RNF180: variants seen among roughly 807,000 people sequenced by gnomAD.
The protein encoded by RNF180 is ring finger protein 180.
A neutral mutation model predicts 59.2 loss-of-function variants in RNF180; 38 were observed. The ratio of observed to expected loss-of-function variants is 0.64; its 90% CI spans 0.50 to 0.84. RNF180 has a LOEUF of 0.84. Among genes scored for constraint, RNF180 ranks in the 40% least tolerant of loss-of-function variants. RNF180 has a pLI of 0.00. For synonymous variants in RNF180, 262 were observed against 240.3 expected (o/e 1.09, Z -0.84); for missense variants, 705 against 700.9 (o/e 1.01, Z -0.07).
chr5:64,286,694 C>T (rs1742308566), intron 5 of RNF180, among the ~76,000 whole-genome samples: 1 of 152,120 alleles, frequency 6.6e-6, no homozygotes, highest in Non-Finnish European at 1.5e-5. Context: ...TACAGAAGTA[C>T]CAAAAGTGTG....
chr5:64,233,290 A>G (rs1742206450), intron 5 of RNF180, among the ~76,000 whole-genome samples: 2 of 152,238 alleles, frequency 1.3e-5, no homozygotes. Flanking sequence ...AGCATTAGAC[A>G]GTCAAGAAGC....
intron 5 of RNF180, among the ~76,000 whole-genome samples, chr5:64,266,584 T>C (rs914100257): frequency 6.6e-6 from 1 of 152,154 alleles, no homozygotes; most frequent in Non-Finnish European, 1.5e-5. Context: ...TTACCTGTTA[T>C]CAAAATTTCA....
chr5:64,372,322 C>T lies in RNF180; in HGVS notation c.*2508C>T, dbSNP rs993349150. 8 of 151,492 alleles carry T rather than the reference C, an allele frequency of 5.3e-5. No individual in the cohort carries two copies. Among genetic ancestry groups the T allele is most frequent in the Admixed American group, 3.3e-4 (5 of 15,154 alleles). 9.4% of individuals were successfully genotyped at this position (151,492 alleles called of 1,614,324 possible). On this transcript the variant is annotated 3_prime_UTR_variant, in exon 8 of 8. Transcript: ENST00000389100. ...AGAAGACAGGGAAATTTAAATTAGACAAAGTTGAAAAAGAATCAGAATTTA... is the reference window on the plus strand; with the variant it reads ...AGAAGACAGGGAAATTTAAATTAGATAAAGTTGAAAAAGAATCAGAATTTA...
Position 64,230,415 on chromosome 5 carries a change from A to G in RNF180, c.1227+13019A>G, listed in dbSNP as rs78851387. ...AGTCTGTTTTCTTGCCTTTTCTGGC[A>G]TCTAGAGTCTGAACCTTGGCTCATA... On this transcript the variant is annotated intron_variant, in intron 5 of 7. Coordinates refer to ENST00000389100, the MANE Select transcript of RNF180 (RefSeq NM_001113561.2). Among the ~76,000 whole-genome samples, 124 of 152,332 alleles carry G rather than the reference A, an allele frequency of 8.1e-4. No homozygotes were observed. In the East Asian group the frequency reaches 0.022, roughly 27 times the overall value.
intron 1 of RNF180, among the ~76,000 whole-genome samples, chr5:64,172,381 A>AC (rs1749984619): frequency 6.6e-6 from 1 of 150,416 alleles, no homozygotes; most frequent in East Asian, 2.0e-4. Context: ...GTCTCCCCCC[A>AC]CCCCCCACAA....
intron 5 of RNF180, among the ~76,000 whole-genome samples, chr5:64,263,467 G>T (rs1561225997): frequency 2.0e-5 from 3 of 152,140 alleles, no homozygotes. Flanking sequence ...ATGTTTAAAA[G>T]AAAATTAACT....
intron 5 of RNF180, among the ~76,000 whole-genome samples, chr5:64,316,827 T>C (rs750136219): frequency 3.9e-5 from 6 of 152,160 alleles, no homozygotes; most frequent in Non-Finnish European, 7.3e-5. Flanking sequence ...ATATTGTTGT[T>C]TATTAATTTT....
intron 7 of RNF180, among the ~76,000 whole-genome samples, chr5:64,341,204 T>C (rs1745342095): frequency 6.6e-6 from 1 of 152,178 alleles, no homozygotes. Context: ...TGTGAAAGCG[T>C]GGTGGCCACA....
chr5:64,258,288 A>C (rs1245392533), intron 5 of RNF180, among the ~76,000 whole-genome samples: 1 of 152,222 alleles, frequency 6.6e-6, no homozygotes, highest in East Asian at 1.9e-4. Flanking sequence ...ATTTAAAAAA[A>C]GATTAAGAAA....
chr5:64,185,208 C>A (rs2111970346), intron 1 of RNF180, among the ~76,000 whole-genome samples: 1 of 152,298 alleles, frequency 6.6e-6, no homozygotes, highest in South Asian at 2.1e-4. Context: ...ACTGCTATCA[C>A]CTTAATCTAA....
chr5:64,249,142 T>C (rs1743392519), intron 5 of RNF180, among the ~76,000 whole-genome samples: 1 of 152,094 alleles, frequency 6.6e-6, no homozygotes, highest in East Asian at 1.9e-4. Context: ...TTAGGAGAAA[T>C]ACCTAATGTA....
chr5:64,191,652 T>C (rs1751164607), intron 1 of RNF180, among the ~76,000 whole-genome samples: 2 of 152,224 alleles, frequency 1.3e-5, no homozygotes, highest in African/African-American at 2.4e-5. Flanking sequence ...AATTGGCTTA[T>C]GTTTTGCTAT....
In RNF180 at chr5:64,200,888, A is replaced by G; in HGVS notation, c.81A>G (p.Lys27=). ...TTCTTCGTTGTTGGAAATGTAGAAA[A>G]TGTATAGCAAGCTCTGGTTGTTTTA... ...TSILRCWKCR[K]CIASSGCFME... is the part of the protein sequence containing the mutation. Residue 27 remains lysine, a synonymous_variant, in exon 2 of 8, where the codon AAA becomes AAG. Coordinates refer to ENST00000389100, the MANE Select transcript of RNF180 (RefSeq NM_001113561.2). 1 of 1,613,418 alleles carries G rather than the reference A, an allele frequency of 6.2e-7. No homozygotes were observed. Among genetic ancestry groups the G allele is most frequent in the Non-Finnish European group, 8.5e-7 (1 of 1,179,370 alleles).
chr5:64,219,311 T>C (rs547365896), intron 5 of RNF180, among the ~76,000 whole-genome samples: 2 of 152,352 alleles, frequency 1.3e-5, no homozygotes, highest in East Asian at 3.9e-4. Context: ...AACTACACTT[T>C]GTTATACTAT....
At position 64,371,920 on chromosome 5, in the gene RNF180, C is replaced by G. The variant is rs1056658520; in HGVS notation, c.*2106C>G. 4.6e-5 allele frequency: 7 copies of G among 151,298 alleles called. No homozygotes were observed. The highest frequency in any genetic ancestry group is 1.7e-4 in the African/African-American group (7 of 41,272). The allele number at this position is 151,298 out of a possible 1,614,324, so 9.4% of individuals were successfully genotyped here. On this transcript the variant is annotated 3_prime_UTR_variant, in exon 8 of 8. Transcript: ENST00000389100. The stretch of plus-strand genomic sequence containing the variant: ...TGGTATGTAGCACACAGTAGCCATT[C>G]AAAATAAAATACATGGATGAGCTTT...
chr5:64,336,308 A>T (rs1580273349), intron 7 of RNF180, among the ~76,000 whole-genome samples: 1 of 152,302 alleles, frequency 6.6e-6, no homozygotes, highest in Non-Finnish European at 1.5e-5. Context: ...CTTTAGATCC[A>T]TCCAAGTGGT....
chr5:64,171,243 G>A (rs925944896), intron 1 of RNF180, among the ~76,000 whole-genome samples: 20 of 152,164 alleles, frequency 1.3e-4, no homozygotes, highest in African/African-American at 4.1e-4. Flanking sequence ...GGGGGATAAC[G>A]ACAATGATAA....
intron 5 of RNF180, among the ~76,000 whole-genome samples, chr5:64,315,017 TCTTTG>T (rs1184991600): frequency 1.4e-4 from 21 of 152,236 alleles, no homozygotes; most frequent in African/African-American, 5.1e-4. Flanking sequence ...CGTGGGTCTG[TCTTTG>T]CACTTTGAGT....
At chr5:64,224,422 C>T (rs1741545782) in intron 5 of RNF180, among the ~76,000 whole-genome samples, 1 of 152,020 alleles carries the variant, frequency 6.6e-6, no homozygotes, top group African/African-American at 2.4e-5. Flanking sequence ...ATGTTTAGTT[C>T]ATTTATATAG....
Sources: allele counts gnomAD v4.1 joint callset (sites outside exome capture counted in the v4.1 genomes callset), GRCh38; gene constraint gnomAD v4.1.1; transcripts MANE v1.5; gene names NCBI Gene and HGNC (gene_info 2026-07-23, HGNC 2026-07-21).